RAB38: variants seen among roughly 807,000 people sequenced by gnomAD.
RAB38 encodes the protein ras-related protein Rab-38.
Under a neutral mutation model 18.4 loss-of-function variants are expected in RAB38, and 15 were observed. The ratio of observed to expected loss-of-function variants is 0.82; its 90% CI spans 0.55 to 1.26. The LOEUF (loss-of-function observed/expected upper bound fraction) is 1.26. RAB38 is among the 50% of genes most tolerant of loss of function. The pLI, the probability that RAB38 is intolerant of heterozygous loss-of-function variation, is 0.00. For synonymous variants in RAB38, 101 were observed against 104.4 expected, an observed-to-expected ratio of 0.97 and a Z score of 0.20; for missense variants, 294 against 267.4, an observed-to-expected ratio of 1.10 and a Z score of -0.69.
chr11:88,094,360 T>C, the RAB38 span, among the ~76,000 whole-genome samples: 1 of 152,072 alleles, frequency 6.6e-6, no homozygotes, highest in Middle Eastern at 3.4e-3. Flanking sequence ...AATTTTCTAA[T>C]ATCATAAGCC....
At chr11:88,033,594 C>T in the RAB38 span, among the ~76,000 whole-genome samples, 1 of 151,832 alleles carries the variant, frequency 6.6e-6, no homozygotes, top group African/African-American at 2.4e-5. Context: ...AGTAATCCAC[C>T]AATCTTAGTC....
the RAB38 span, among the ~76,000 whole-genome samples, chr11:87,833,060 A>T: frequency 1.3e-5 from 2 of 152,208 alleles, no homozygotes; most frequent in East Asian, 3.9e-4. Flanking sequence ...GTGGACTTCT[A>T]AACAGTTTAT....
chr11:87,828,368 A>T, the RAB38 span, among the ~76,000 whole-genome samples: 3 of 152,150 alleles, frequency 2.0e-5, no homozygotes, highest in African/African-American at 7.2e-5. Flanking sequence ...TATTTCCATC[A>T]AGATATTTTA....
chr11:87,869,116 C>G, the RAB38 span, among the ~76,000 whole-genome samples: 1 of 151,608 alleles, frequency 6.6e-6, no homozygotes. Context: ...TAAAACAAAC[C>G]ATTTTAAATG....
At chr11:88,089,722 T>C in the RAB38 span, among the ~76,000 whole-genome samples, 3 of 151,960 alleles carry the variant, frequency 2.0e-5, no homozygotes. Context: ...CTCTGAAAAC[T>C]GGCCATATTT....
chr11:87,923,171 T>G, the RAB38 span, among the ~76,000 whole-genome samples: 1 of 151,938 alleles, frequency 6.6e-6, no homozygotes, highest in Non-Finnish European at 1.5e-5. Flanking sequence ...AACATGGTGG[T>G]CCTGCGTTGG....
At chr11:87,846,444 T>C in the RAB38 span, among the ~76,000 whole-genome samples, 10 of 152,082 alleles carry the variant, frequency 6.6e-5, no homozygotes, top group African/African-American at 2.4e-4. Context: ...AGGCTATTAG[T>C]GGCTATGCTA....
the RAB38 span, among the ~76,000 whole-genome samples, chr11:88,072,633 A>C: frequency 6.6e-6 from 1 of 152,210 alleles, no homozygotes; most frequent in Admixed American, 6.5e-5. Context: ...GAATCCACTG[A>C]ATAAACTATG....
At chr11:87,885,245 GCTCT>G in the RAB38 span, among the ~76,000 whole-genome samples, 1 of 151,080 alleles carries the variant, frequency 6.6e-6, no homozygotes, top group Non-Finnish European at 1.5e-5. Context: ...TCCTGCTTCT[GCTCT>G]CTCTGCTTTG....
intron 1 of RAB38, 73 bp downstream of exon 1, chr11:88,175,110 C>G (rs1943367132): frequency 2.8e-6 from 4 of 1,442,314 alleles, no homozygotes; most frequent in Non-Finnish European, 3.7e-6. Flanking sequence ...CGCTTGGCCG[C>G]AAGCCGCTGC....
At chr11:88,120,003 A>C (rs1388433429) in intron 2 of RAB38, among the ~76,000 whole-genome samples, 3 of 152,216 alleles carry the variant, frequency 2.0e-5, no homozygotes, top group Non-Finnish European at 4.4e-5. Context: ...TTAACACCTA[A>C]CATGGGTGCT....
At chr11:88,018,673 T>C in the RAB38 span, among the ~76,000 whole-genome samples, 1 of 152,118 alleles carries the variant, frequency 6.6e-6, no homozygotes, top group Admixed American at 6.6e-5. Flanking sequence ...AAATCTATCA[T>C]GTTCAAGTTT....
At chr11:88,096,281 C>G in the RAB38 span, among the ~76,000 whole-genome samples, 1 of 151,794 alleles carries the variant, frequency 6.6e-6, no homozygotes, top group African/African-American at 2.4e-5. Context: ...CATGTTCCTC[C>G]CTCAGGGCCT....
chr11:87,811,515 C>T, the RAB38 span, among the ~76,000 whole-genome samples: 1 of 152,144 alleles, frequency 6.6e-6, no homozygotes, highest in Non-Finnish European at 1.5e-5. Flanking sequence ...TTAAGAACCA[C>T]GTTATGGTCT....
chr11:88,030,486 A>G, the RAB38 span, among the ~76,000 whole-genome samples: 1 of 152,220 alleles, frequency 6.6e-6, no homozygotes, highest in Non-Finnish European at 1.5e-5. Flanking sequence ...TGCTAGCAAG[A>G]CTAATAAAGA....
chr11:88,025,902 G>A, the RAB38 span, among the ~76,000 whole-genome samples: 1 of 151,792 alleles, frequency 6.6e-6, no homozygotes, highest in African/African-American at 2.4e-5. Flanking sequence ...CAATTTTTTT[G>A]TTGCAGGTGA....
At chr11:87,865,484 TGAAGTAAGG>T in the RAB38 span, among the ~76,000 whole-genome samples, 6 of 151,532 alleles carry the variant, frequency 4.0e-5, no homozygotes, top group African/African-American at 1.5e-4. Context: ...TTTGAAAAGG[TGAAGTAAGG>T]GTGTCTCCCT....
At chr11:87,878,311 AT>A in the RAB38 span, among the ~76,000 whole-genome samples, 1 of 129,212 alleles carries the variant, frequency 7.7e-6, no homozygotes, top group Non-Finnish European at 1.8e-5. Flanking sequence ...CCTATCATCT[AT>A]CTATCATCTA....
chr11:88,080,899 G>A, the RAB38 span, among the ~76,000 whole-genome samples: 1 of 150,570 alleles, frequency 6.6e-6, no homozygotes, highest in Non-Finnish European at 1.5e-5. Context: ...AAAGAAAGAA[G>A]AAAATAAAAT....
Sources: allele counts gnomAD v4.1 joint callset (sites outside exome capture counted in the v4.1 genomes callset), GRCh38; gene constraint gnomAD v4.1.1; transcripts MANE v1.5; gene names NCBI Gene and HGNC (gene_info 2026-07-23, HGNC 2026-07-21).